MARCHF1: variants seen among roughly 807,000 people sequenced by gnomAD.
The protein encoded by MARCHF1 is membrane associated ring-CH-type finger 1.
MARCHF1 carries 40 observed loss-of-function variants against 54.2 expected under a neutral mutation model. The observed-to-expected ratio is 0.74, with a 90% CI of 0.57 to 0.96. The LOEUF is 0.96. Ranked by LOEUF, MARCHF1 falls within the 40% of genes least tolerant of loss-of-function variation. The probability of loss-of-function intolerance (pLI) is 0.00; values close to 1 mark genes in which losing one functional copy is unlikely to be tolerated. For missense variants in MARCHF1, 586 were observed against 656.5 expected (o/e 0.89, Z 1.17); for synonymous variants, 236 against 236.3 (o/e 1.00, Z 0.01).
chr4:163,787,324 C>T (rs1747650180), intron 4 of MARCHF1, among the ~76,000 whole-genome samples: 1 of 151,522 alleles, frequency 6.6e-6, no homozygotes, highest in Non-Finnish European at 1.5e-5. Context: ...TTGGAAAACA[C>T]ATGACATATA....
chr4:163,621,777 A>G (rs1171523746), intron 5 of MARCHF1, among the ~76,000 whole-genome samples: 1 of 151,990 alleles, frequency 6.6e-6, no homozygotes, highest in South Asian at 2.1e-4. Flanking sequence ...CACTGCCTTT[A>G]CTCTCCATTT....
At chr4:163,948,517 T>G (rs1487561318) in intron 3 of MARCHF1, among the ~76,000 whole-genome samples, 3 of 152,218 alleles carry the variant, frequency 2.0e-5, no homozygotes, top group Non-Finnish European at 4.4e-5. Flanking sequence ...ATCAGGTATT[T>G]CAGTCAATAC....
chr4:163,825,770 A>AT lies in MARCHF1; in HGVS notation c.111+28250dup, dbSNP rs550865980. On this transcript the variant is annotated intron_variant, in intron 4 of 9. Coordinates refer to ENST00000514618, the MANE Select transcript of MARCHF1 (RefSeq NM_001394959.1). ...AATCATTTTAATTATTTCTCACCCA[A>AT]TTTTTTTTTTCTTAAGAATGTTTAC... Among the ~76,000 whole-genome samples the AT allele has an allele frequency of 7.3e-3, 1,099 of 149,802 alleles. 10 individuals are homozygous for AT. Among genetic ancestry groups the AT allele is most frequent in the African/African-American group, 0.024 (1,002 of 40,986 alleles).
At chr4:163,669,307 C>T (rs1254308797) in intron 5 of MARCHF1, among the ~76,000 whole-genome samples, 1 of 152,146 alleles carries the variant, frequency 6.6e-6, no homozygotes, top group Non-Finnish European at 1.5e-5. Flanking sequence ...AGAATTTAGG[C>T]TTGCTCATGC....
At chr4:163,648,724 AG>A (rs1323512354) in intron 5 of MARCHF1, among the ~76,000 whole-genome samples, 2 of 151,766 alleles carry the variant, frequency 1.3e-5, no homozygotes, top group African/African-American at 4.8e-5. Flanking sequence ...ATAAAATAAC[AG>A]CGTATATATA....
chr4:163,940,988 G>A (rs952019054), intron 3 of MARCHF1, among the ~76,000 whole-genome samples: 7 of 152,058 alleles, frequency 4.6e-5, no homozygotes, highest in African/African-American at 1.7e-4. Context: ...AGACATAGAG[G>A]TATAAGGTAC....
intron 5 of MARCHF1, among the ~76,000 whole-genome samples, chr4:163,619,857 G>A (rs554109482): frequency 1.8e-4 from 28 of 152,078 alleles, no homozygotes; most frequent in African/African-American, 6.5e-4. Context: ...CTTTTCTTAT[G>A]ATGATGTAAA....
Position 164,147,277 on chromosome 4 carries a change from G to T in MARCHF1, c.-322-35615C>A, listed in dbSNP as rs1404392230. Among the ~76,000 whole-genome samples, 5 of 147,716 alleles carry T rather than the reference G, an allele frequency of 3.4e-5. No individual in the cohort carries two copies. The East Asian group carries it at 5.9e-4, about 18-fold the overall frequency. ...GAAGTCAGTGTGGCGATTCCTCAGG[G>T]ATCTAGAACTGGAAATACCATTTGA... On this transcript the variant is annotated intron_variant, in intron 1 of 9. Coordinates refer to ENST00000514618, the MANE Select transcript of MARCHF1 (RefSeq NM_001394959.1).
chr4:164,262,315 T>C lies in MARCHF1; in HGVS notation c.-323+121555A>G, dbSNP rs2111280115. Among the ~76,000 whole-genome samples, 3 of 152,232 alleles carry C rather than the reference T, an allele frequency of 2.0e-5. 1 individual carries two copies. In the East Asian group the frequency reaches 5.8e-4, roughly 29 times the overall value. On this transcript the variant is annotated intron_variant, in intron 1 of 9. Transcript: ENST00000514618. ...GATCCTTAATAAACAGGGATGCTTC[T>C]CCATCATTTCCCCACAACACCAAAC... is the stretch of plus-strand genomic sequence containing the variant.
chr4:163,907,938 C>G (rs980028146), intron 3 of MARCHF1, among the ~76,000 whole-genome samples: 1 of 152,110 alleles, frequency 6.6e-6, no homozygotes, highest in Non-Finnish European at 1.5e-5. Context: ...AACCTGAAGA[C>G]TGGTGTTAGA....
chr4:164,223,841 G>T (rs1330998337), intron 1 of MARCHF1, among the ~76,000 whole-genome samples: 1 of 151,200 alleles, frequency 6.6e-6, no homozygotes, highest in African/African-American at 2.4e-5. Context: ...TTAGACAATA[G>T]TCATTCACAT....
chr4:164,077,661 A>G (rs1013835602), intron 2 of MARCHF1, among the ~76,000 whole-genome samples: 7 of 152,242 alleles, frequency 4.6e-5, no homozygotes, highest in African/African-American at 1.4e-4. Flanking sequence ...CAGAATCTAC[A>G]AAGAACTTAA....
intron 1 of MARCHF1, among the ~76,000 whole-genome samples, chr4:164,114,765 C>T (rs920742361): frequency 6.8e-6 from 1 of 147,952 alleles, no homozygotes; most frequent in African/African-American, 2.5e-5. Flanking sequence ...ATGTTTGGAA[C>T]ATTGCAAAAA....
At chr4:164,307,155 C>T (rs1220871947) in intron 1 of MARCHF1, among the ~76,000 whole-genome samples, 1 of 152,048 alleles carries the variant, frequency 6.6e-6, no homozygotes, top group African/African-American at 2.4e-5. Context: ...ATTTCTTGCC[C>T]AACTAGATAC....
chr4:163,974,977 A>C (rs935495616), intron 3 of MARCHF1, among the ~76,000 whole-genome samples: 1 of 152,188 alleles, frequency 6.6e-6, no homozygotes, highest in Non-Finnish European at 1.5e-5. Context: ...CTCCTGCCTG[A>C]CTACTTAATC....
Position 163,646,564 on chromosome 4 carries a change from A to G in MARCHF1, c.163-33171T>C, listed in dbSNP as rs117502555. On this transcript the variant is annotated intron_variant, in intron 5 of 9. Coordinates refer to ENST00000514618, the MANE Select transcript of MARCHF1 (RefSeq NM_001394959.1). ...AAAGACAAAACTATTAAAAATAAGTATAGCTGTGATAATTTGTTAAGGAAT... is the reference window on the plus strand; with the variant it reads ...AAAGACAAAACTATTAAAAATAAGTGTAGCTGTGATAATTTGTTAAGGAAT... Among the ~76,000 whole-genome samples, 125 of 152,252 alleles carry G rather than the reference A, an allele frequency of 8.2e-4. No individual in the cohort carries two copies. The East Asian group carries it at 0.019, about 23-fold the overall frequency.
At chr4:163,963,548 C>T (rs1385134807) in intron 3 of MARCHF1, among the ~76,000 whole-genome samples, 2 of 151,866 alleles carry the variant, frequency 1.3e-5, no homozygotes, top group East Asian at 1.9e-4. Flanking sequence ...AAGAGATTGT[C>T]ACTGATGTGT....
chr4:164,068,384 G>T lies in MARCHF1; in HGVS notation c.-248+43204C>A, dbSNP rs563360908. Among the ~76,000 whole-genome samples the T allele has an allele frequency of 1.4e-4, 22 of 152,290 alleles. No individual in the cohort carries two copies. In the East Asian group the frequency reaches 3.9e-3, roughly 27 times the overall value. On this transcript the variant is annotated intron_variant, in intron 2 of 9. Transcript: ENST00000514618. ...CGGAGCCGCCTCCCTCAGCTTGCGG[G>T]GAGGTGTGGAGGGAGAGGCATGGGT...
rs561476494 is a variant in MARCHF1, at chr4:163,730,820, T to C, written c.112-29957A>G. On this transcript the variant is annotated intron_variant, in intron 4 of 9. Transcript: ENST00000514618. Reference sequence around the variant, plus strand: ...ATGAATTTGTTCTACTAATTGTGGTTCAGTGAGTTCTTAGCATCACAGACC... The same window carrying C: ...ATGAATTTGTTCTACTAATTGTGGTCCAGTGAGTTCTTAGCATCACAGACC... Among the ~76,000 whole-genome samples, 152 of 152,314 alleles carry C rather than the reference T, an allele frequency of 1.0e-3. 1 individual carries two copies. The highest frequency in any genetic ancestry group is 2.7e-3 in the Admixed American group (41 of 15,286).
Sources: gnomAD v4.1 joint callset for allele counts (sites outside exome capture counted in the v4.1 genomes callset) on GRCh38, gnomAD v4.1.1 for gene constraint, MANE v1.5 for transcripts, NCBI Gene and HGNC (gene_info 2026-07-23, HGNC 2026-07-21) for gene names.